The following GRID1 variants were observed in gnomAD, a reference collection of about 807,000 sequenced individuals.
The protein encoded by GRID1 is glutamate receptor ionotropic, delta-1.
GRID1 carries 28 observed loss-of-function variants against 98.0 expected under a neutral mutation model. The observed-to-expected ratio is 0.29, with a 90% CI of 0.21 to 0.39. The LOEUF (loss-of-function observed/expected upper bound fraction) is 0.39, where lower values mean the gene tolerates loss of function less well. Among genes scored for constraint, GRID1 ranks in the 10% least tolerant of loss-of-function variants. The pLI is 1.00. For synonymous variants in GRID1, 553 were observed against 538.5 expected (o/e 1.03, Z -0.37); for missense variants, 1,111 against 1,340.5 (o/e 0.83, Z 2.67).
At chr10:85,716,175 C>T (rs904135465) in intron 12 of GRID1, among the ~76,000 whole-genome samples, 5 of 152,046 alleles carry the variant, frequency 3.3e-5, no homozygotes, top group Non-Finnish European at 5.9e-5. Context: ...CCAAAGTGCT[C>T]GATTACAGGC....
At chr10:85,905,301 G>C (rs12255892) in intron 5 of GRID1, among the ~76,000 whole-genome samples, 4,310 of 151,952 alleles carry the variant, frequency 0.028, 203 homozygotes, top group African/African-American at 0.097. Context: ...AAAAATGAAA[G>C]TGAAATGAAG....
chr10:85,602,912 G>A (rs994908656), intron 15 of GRID1, among the ~76,000 whole-genome samples: 2 of 152,140 alleles, frequency 1.3e-5, no homozygotes, highest in Non-Finnish European at 2.9e-5. Flanking sequence ...TCCCTATGTA[G>A]CAAAGAAGAT....
At chr10:85,927,103 C>T (rs766954831) in intron 4 of GRID1, among the ~76,000 whole-genome samples, 1 of 152,222 alleles carries the variant, frequency 6.6e-6, no homozygotes, top group African/African-American at 2.4e-5. Context: ...GGAAACTCTT[C>T]CTGCCTTGCA....
At chr10:86,339,553 G>T (rs1848279266) in intron 2 of GRID1, among the ~76,000 whole-genome samples, 1 of 152,238 alleles carries the variant, frequency 6.6e-6, no homozygotes, top group Non-Finnish European at 1.5e-5. Flanking sequence ...TTTGCCTCCC[G>T]CTGGGGAGGA....
At chr10:85,638,820 A>G in intron 13 of GRID1, among the ~76,000 whole-genome samples, 1 of 152,234 alleles carries the variant, frequency 6.6e-6, no homozygotes, top group South Asian at 2.1e-4. Flanking sequence ...GCCAATAAGC[A>G]CATGAAAAAA....
chr10:86,026,973 T>G (rs570768291), intron 4 of GRID1, among the ~76,000 whole-genome samples: 17 of 152,206 alleles, frequency 1.1e-4, no homozygotes, highest in Admixed American at 1.1e-3. Flanking sequence ...GTCTAAAGCA[T>G]GCTGGGCTAA....
chr10:85,650,724 G>A (rs1843257542), intron 12 of GRID1, among the ~76,000 whole-genome samples: 1 of 152,238 alleles, frequency 6.6e-6, no homozygotes, highest in Non-Finnish European at 1.5e-5. Flanking sequence ...CAGAAAGGGT[G>A]AGTAGAGGCA....
chr10:85,766,582 C>T (rs1320672397), intron 8 of GRID1, among the ~76,000 whole-genome samples: 3 of 152,128 alleles, frequency 2.0e-5, no homozygotes, highest in Non-Finnish European at 4.4e-5. Context: ...AACTTTCAAT[C>T]AACCATACCA....
intron 2 of GRID1, among the ~76,000 whole-genome samples, chr10:86,355,001 C>T (rs1388271064): frequency 6.6e-6 from 1 of 152,196 alleles, no homozygotes; most frequent in Admixed American, 6.5e-5. Flanking sequence ...CTCACACTGC[C>T]CAGCCCAGAA....
intron 4 of GRID1, among the ~76,000 whole-genome samples, chr10:85,999,651 T>A (rs181594816): frequency 2.6e-5 from 4 of 152,192 alleles, no homozygotes; most frequent in Admixed American, 6.5e-5. Context: ...AAGAAATGCA[T>A]GACTAACTCA....
chr10:85,984,201 G>T (rs1252312534), intron 4 of GRID1, among the ~76,000 whole-genome samples: 1 of 152,028 alleles, frequency 6.6e-6, no homozygotes, highest in East Asian at 1.9e-4. Flanking sequence ...TTCTCACAAG[G>T]CTCCTAATAG....
chr10:86,332,312 G>C (rs572871634), intron 2 of GRID1, among the ~76,000 whole-genome samples: 1 of 152,278 alleles, frequency 6.6e-6, no homozygotes, highest in African/African-American at 2.4e-5. Context: ...GAGAGGAAGA[G>C]GATGCATTCC....
At chr10:85,974,145 T>G (rs1842442143) in intron 4 of GRID1, among the ~76,000 whole-genome samples, 1 of 152,194 alleles carries the variant, frequency 6.6e-6, no homozygotes, top group African/African-American at 2.4e-5. Flanking sequence ...CATGCTCACT[T>G]TTGCCAGCAT....
At chr10:85,893,509 C>G (rs979864993) in intron 5 of GRID1, among the ~76,000 whole-genome samples, 1 of 152,044 alleles carries the variant, frequency 6.6e-6, no homozygotes, top group South Asian at 2.1e-4. Flanking sequence ...CAAAAACCTA[C>G]CAGAACTAAG....
intron 4 of GRID1, among the ~76,000 whole-genome samples, chr10:85,985,687 A>G (rs889552619): frequency 2.0e-5 from 3 of 152,088 alleles, no homozygotes; most frequent in African/African-American, 7.2e-5. Context: ...TCTCCCCTGT[A>G]TGTCCCCACT....
At chr10:85,820,858 G>A (rs1842763671) in intron 8 of GRID1, among the ~76,000 whole-genome samples, 2 of 152,070 alleles carry the variant, frequency 1.3e-5, no homozygotes, top group Non-Finnish European at 2.9e-5. Context: ...CAGCATGGAC[G>A]TTTCTTTAAA....
At chr10:86,042,702 G>A (rs1447950959) in intron 4 of GRID1, among the ~76,000 whole-genome samples, 1 of 152,202 alleles carries the variant, frequency 6.6e-6, no homozygotes, top group Non-Finnish European at 1.5e-5. Context: ...TGGCCAAGCT[G>A]TACTCAGAGC....
At chr10:86,054,736 C>G (rs1377423925) in intron 4 of GRID1, among the ~76,000 whole-genome samples, 1 of 152,204 alleles carries the variant, frequency 6.6e-6, no homozygotes, top group Non-Finnish European at 1.5e-5. Context: ...AGCCTCACAG[C>G]AAGGATATGA....
intron 3 of GRID1, among the ~76,000 whole-genome samples, chr10:86,161,495 GCCCTAAC>G (rs1845323137): frequency 6.6e-6 from 1 of 152,130 alleles, no homozygotes; most frequent in Admixed American, 6.5e-5. Context: ...CATGAGAAAT[GCCCTAAC>G]CCCATTACAC....
Sources: allele counts gnomAD v4.1 joint callset (sites outside exome capture counted in the v4.1 genomes callset), GRCh38; gene constraint gnomAD v4.1.1; transcripts MANE v1.5; gene names NCBI Gene and HGNC (gene_info 2026-07-23, HGNC 2026-07-21).